The following LRRTM4 variants were observed in gnomAD, a reference collection of about 807,000 sequenced individuals.
LRRTM4 encodes leucine rich repeat transmembrane neuronal 4.
A neutral mutation model predicts 47.6 loss-of-function variants in LRRTM4; 25 were observed. The observed-to-expected ratio is 0.53, with a 90% CI of 0.38 to 0.73. The LOEUF is 0.73. LRRTM4 is among the 30% of genes least tolerant of loss of function. The probability of loss-of-function intolerance (pLI) is 0.00; values close to 1 mark genes in which losing one functional copy is unlikely to be tolerated. For missense variants in LRRTM4, 638 were observed against 713.4 expected (o/e 0.89, Z 1.20); for synonymous variants, 311 against 269.5 (o/e 1.15, Z -1.51).
At chr2:77,159,770 T>C (rs1284430291) in intron 3 of LRRTM4, among the ~76,000 whole-genome samples, 1 of 151,954 alleles carries the variant, frequency 6.6e-6, no homozygotes, top group Non-Finnish European at 1.5e-5. Flanking sequence ...TGGAAGTACA[T>C]CATGATTTCT....
At chr2:77,090,376 G>A (rs542111890) in intron 3 of LRRTM4, among the ~76,000 whole-genome samples, 4 of 152,088 alleles carry the variant, frequency 2.6e-5, no homozygotes, top group Admixed American at 2.6e-4. Flanking sequence ...GACCCTAAAA[G>A]GTCAAAAGGT....
chr2:76,971,692 T>A (rs1676225466), intron 3 of LRRTM4, among the ~76,000 whole-genome samples: 1 of 152,008 alleles, frequency 6.6e-6, no homozygotes, highest in African/African-American at 2.4e-5. Flanking sequence ...GAGTCAGCAT[T>A]TAACTGTATT....
chr2:77,332,133 T>A (rs1204518453), intron 3 of LRRTM4, among the ~76,000 whole-genome samples: 1 of 152,208 alleles, frequency 6.6e-6, no homozygotes, highest in Non-Finnish European at 1.5e-5. Flanking sequence ...ATTTCTGGAT[T>A]GGATTTCTTT....
intron 3 of LRRTM4, among the ~76,000 whole-genome samples, chr2:76,916,408 GAAA>G (rs1674252298): frequency 2.5e-4 from 26 of 106,106 alleles, no homozygotes; most frequent in African/African-American, 9.9e-4. Flanking sequence ...AAAAAAAAAA[GAAA>G]AGAAAAAAAA....
intron 3 of LRRTM4, among the ~76,000 whole-genome samples, chr2:77,158,826 CTATTT>C (rs1358510916): frequency 6.6e-6 from 1 of 150,546 alleles, no homozygotes; most frequent in African/African-American, 2.4e-5. Context: ...CATTATATTT[CTATTT>C]TATAATTGTA....
intron 3 of LRRTM4, among the ~76,000 whole-genome samples, chr2:77,342,675 C>G (rs79490010): frequency 1.3e-5 from 2 of 151,854 alleles, no homozygotes; most frequent in African/African-American, 4.8e-5. Context: ...TTCCAGAGAA[C>G]AGTCATTTAA....
At chr2:76,873,533 T>TATATATATATATATATATATATAC (rs1174673622) in intron 3 of LRRTM4, among the ~76,000 whole-genome samples, 1 of 145,190 alleles carries the variant, frequency 6.9e-6, no homozygotes, top group African/African-American at 2.6e-5. Flanking sequence ...TATATATATA[T>TATATATATATATATATATATATAC]ACAACATAGT....
At chr2:76,906,265 G>A (rs1199780679) in intron 3 of LRRTM4, among the ~76,000 whole-genome samples, 1 of 152,044 alleles carries the variant, frequency 6.6e-6, no homozygotes, top group Non-Finnish European at 1.5e-5. Context: ...AAGTGAAGGA[G>A]AAATAAAATA....
At position 76,819,701 on chromosome 2, in the gene LRRTM4, C is replaced by T. The variant is rs543051357; in HGVS notation, c.1552-70785G>A. Reference sequence around the variant, plus strand: ...GATTCATCTTCTAGATTGTTACTCTCAGCCTACCAGTGCAATCAGATCTTT... The same window carrying T: ...GATTCATCTTCTAGATTGTTACTCTTAGCCTACCAGTGCAATCAGATCTTT... On this transcript the variant is annotated intron_variant, in intron 3 of 3. Coordinates refer to ENST00000409884, the MANE Select transcript of LRRTM4 (RefSeq NM_001134745.3). Among the ~76,000 whole-genome samples the T allele has an allele frequency of 7.2e-5, 11 of 152,062 alleles. No homozygotes were observed. In the East Asian group the frequency reaches 1.4e-3, roughly 19 times the overall value.
intron 3 of LRRTM4, among the ~76,000 whole-genome samples, chr2:76,955,936 T>G (rs1397687609): frequency 6.6e-6 from 1 of 151,620 alleles, no homozygotes; most frequent in Non-Finnish European, 1.5e-5. Context: ...CAAGAAAACA[T>G]TGAATAAAAT....
Position 76,747,964 on chromosome 2 carries a change from C to T in LRRTM4, c.*731G>A, listed in dbSNP as rs1039588053. On this transcript the variant is annotated 3_prime_UTR_variant, in exon 4 of 4. Transcript: ENST00000409884. The stretch of plus-strand genomic sequence containing the variant: ...CAGGCATCCTACACAGTGAGGGCTG[C>T]CAATGGGACAAAACAAAATTCCTTC... The T allele has an allele frequency of 1.3e-5, 2 of 152,086 alleles. No individual in the cohort carries two copies. Among genetic ancestry groups the T allele is most frequent in the African/African-American group, 2.4e-5 (1 of 41,404 alleles). The allele number at this position is 152,086 out of a possible 1,614,324, so 9.4% of individuals were successfully genotyped here.
intron 3 of LRRTM4, among the ~76,000 whole-genome samples, chr2:76,896,989 A>G (rs1169513587): frequency 6.6e-6 from 1 of 151,880 alleles, no homozygotes; most frequent in East Asian, 1.9e-4. Context: ...GAATTGTTCT[A>G]AATTTGGGAA....
At chr2:76,811,472 G>C (rs1245621222) in intron 3 of LRRTM4, among the ~76,000 whole-genome samples, 1 of 152,158 alleles carries the variant, frequency 6.6e-6, no homozygotes. Flanking sequence ...TGAGAATTCA[G>C]AGGTGGCAGC....
chr2:77,071,513 T>C (rs1308970066), intron 3 of LRRTM4, among the ~76,000 whole-genome samples: 2 of 152,182 alleles, frequency 1.3e-5, no homozygotes, highest in Admixed American at 1.3e-4. Flanking sequence ...TAAATTAGAA[T>C]CTTGCTCCTG....
chr2:77,066,857 T>A (rs2103815097), intron 3 of LRRTM4, among the ~76,000 whole-genome samples: 1 of 152,356 alleles, frequency 6.6e-6, no homozygotes, highest in African/African-American at 2.4e-5. Context: ...CCAGTATGTC[T>A]GGTAATGTTG....
intron 3 of LRRTM4, among the ~76,000 whole-genome samples, chr2:76,793,969 TC>T (rs1675118324): frequency 6.6e-6 from 1 of 152,180 alleles, no homozygotes. Context: ...TGCAACAATG[TC>T]CCACTTACAT....
intron 3 of LRRTM4, among the ~76,000 whole-genome samples, chr2:77,173,392 C>T (rs1214461841): frequency 6.6e-6 from 1 of 152,104 alleles, no homozygotes; most frequent in African/African-American, 2.4e-5. Flanking sequence ...TAGAAGGGAT[C>T]ATAGGATCTG....
At chr2:77,386,671 C>T (rs935760722) in intron 3 of LRRTM4, among the ~76,000 whole-genome samples, 31 of 152,144 alleles carry the variant, frequency 2.0e-4, no homozygotes, top group East Asian at 5.8e-4. Context: ...CTTGAGGAAT[C>T]GCCACACTGT....
At chr2:76,962,692 A>T (rs191692409) in intron 3 of LRRTM4, among the ~76,000 whole-genome samples, 125 of 150,816 alleles carry the variant, frequency 8.3e-4, no homozygotes, top group Non-Finnish European at 1.3e-3. Context: ...AAATTTTAAT[A>T]TAATATTAAA....
Sources: allele counts gnomAD v4.1 joint callset (sites outside exome capture counted in the v4.1 genomes callset), GRCh38; gene constraint gnomAD v4.1.1; transcripts MANE v1.5; gene names NCBI Gene and HGNC (gene_info 2026-07-23, HGNC 2026-07-21).